Variants in RGS6 observed in about 807,000 individuals in gnomAD.
The protein encoded by RGS6 is regulator of G protein signaling 6.
RGS6 carries 30 observed loss-of-function variants against 78.5 expected under a neutral mutation model. The ratio of observed to expected loss-of-function variants is 0.38; its 90% CI spans 0.29 to 0.52. RGS6 has a LOEUF of 0.52. Among genes scored for constraint, RGS6 ranks in the 20% least tolerant of loss-of-function variants. The pLI is 0.85. For missense variants in RGS6, 495 were observed against 609.7 expected, an observed-to-expected ratio of 0.81 and a Z score of 1.98; for synonymous variants, 206 against 206.0, an observed-to-expected ratio of 1.00 and a Z score of 0.00.
At chr14:72,436,782 A>G (rs1485251625) in intron 3 of RGS6, among the ~76,000 whole-genome samples, 2 of 152,244 alleles carry the variant, frequency 1.3e-5, no homozygotes, top group Non-Finnish European at 2.9e-5. Context: ...CAATGTCTGT[A>G]AGGAAAACCA....
At chr14:72,118,650 A>T (rs1453943191) in intron 2 of RGS6, among the ~76,000 whole-genome samples, 1 of 152,244 alleles carries the variant, frequency 6.6e-6, no homozygotes, top group Non-Finnish European at 1.5e-5. Flanking sequence ...AGCCCTGGAC[A>T]GCACTATTCC....
intron 2 of RGS6, among the ~76,000 whole-genome samples, chr14:72,048,380 T>A (rs1174256618): frequency 1.3e-5 from 2 of 152,194 alleles, no homozygotes; most frequent in South Asian, 2.1e-4. Flanking sequence ...CAAAGGTGAA[T>A]CTATGCTAAC....
At chr14:72,474,947 A>T (rs1198700751) in intron 10 of RGS6, among the ~76,000 whole-genome samples, 1 of 147,256 alleles carries the variant, frequency 6.8e-6, no homozygotes, top group Admixed American at 6.8e-5. Context: ...CAACAGGGCC[A>T]TGAATGCTGT....
intron 2 of RGS6, among the ~76,000 whole-genome samples, chr14:72,255,614 G>C (rs1039888207): frequency 2.0e-5 from 3 of 152,106 alleles, no homozygotes; most frequent in Non-Finnish European, 2.9e-5. Flanking sequence ...CCTCAGGCAG[G>C]CTTAAAATGT....
At chr14:72,047,692 G>T (rs913741951) in intron 2 of RGS6, among the ~76,000 whole-genome samples, 1 of 151,988 alleles carries the variant, frequency 6.6e-6, no homozygotes, top group African/African-American at 2.4e-5. Flanking sequence ...TTTGACTTTT[G>T]CCTTCATATC....
At chr14:72,544,942 G>T (rs1265185400) in intron 17 of RGS6, among the ~76,000 whole-genome samples, 1 of 152,182 alleles carries the variant, frequency 6.6e-6, no homozygotes, top group Non-Finnish European at 1.5e-5. Context: ...GGCAATCAGG[G>T]CAGTCAGCCA....
At chr14:72,214,796 A>T in intron 2 of RGS6, among the ~76,000 whole-genome samples, 1 of 152,144 alleles carries the variant, frequency 6.6e-6, no homozygotes, top group East Asian at 1.9e-4. Context: ...CTGTCTCTTA[A>T]AAAAACATGG....
intron 2 of RGS6, among the ~76,000 whole-genome samples, chr14:72,204,283 C>CATTCTGTTAT (rs1211630176): frequency 6.6e-6 from 1 of 152,176 alleles, no homozygotes; most frequent in Non-Finnish European, 1.5e-5. Context: ...AACATACCAC[C>CATTCTGTTAT]ATTCTGTTAT....
At chr14:72,285,264 C>T (rs1954706772) in intron 2 of RGS6, among the ~76,000 whole-genome samples, 1 of 152,042 alleles carries the variant, frequency 6.6e-6, no homozygotes, top group African/African-American at 2.4e-5. Context: ...GGCTGTGTCC[C>T]CACCCAAATC....
intron 3 of RGS6, among the ~76,000 whole-genome samples, chr14:72,376,859 A>G (rs1265803772): frequency 1.3e-5 from 2 of 152,192 alleles, no homozygotes; most frequent in Non-Finnish European, 2.9e-5. Flanking sequence ...AAGCGAAAAG[A>G]CAATAACCAC....
intron 2 of RGS6, among the ~76,000 whole-genome samples, chr14:72,287,038 C>G (rs1372971588): frequency 6.6e-6 from 1 of 152,206 alleles, no homozygotes; most frequent in African/African-American, 2.4e-5. Flanking sequence ...CCCACCTTGG[C>G]CTCCCAAAGT....
At chr14:72,472,512 C>T (rs7143660) in intron 8 of RGS6, among the ~76,000 whole-genome samples, 1,739 of 152,310 alleles carry the variant, frequency 0.011, 14 homozygotes, top group African/African-American at 0.031. Flanking sequence ...TATGCAGTAT[C>T]CTTTTTGATA....
At chr14:71,948,921 A>G (rs563038459) in intron 1 of RGS6, among the ~76,000 whole-genome samples, 1 of 152,234 alleles carries the variant, frequency 6.6e-6, no homozygotes, top group South Asian at 2.1e-4. Context: ...ATATGAAATC[A>G]TACATATATG....
chr14:71,893,642 G>A, the RGS6 span, among the ~76,000 whole-genome samples: 1 of 152,194 alleles, frequency 6.6e-6, no homozygotes, highest in Admixed American at 6.5e-5. Flanking sequence ...CACAGAGTTT[G>A]TATTACACAG....
chr14:72,357,520 A>G (rs1315619638), intron 3 of RGS6, among the ~76,000 whole-genome samples: 1 of 152,200 alleles, frequency 6.6e-6, no homozygotes, highest in Non-Finnish European at 1.5e-5. Flanking sequence ...TCAGATGGAG[A>G]TGAGAAACTT....
At chr14:71,932,020 CGCCGGGCACCTCACCCCGG>C (rs1426586589), upstream of RGS6, among the ~76,000 whole-genome samples, 1 of 152,226 alleles carries the variant, frequency 6.6e-6, no homozygotes, top group African/African-American at 2.4e-5. Flanking sequence ...ATTCAGAAGC[CGCCGGGCACCTCACCCCGG>C]GCCGGGAATC....
chr14:72,550,798 A>AGCTT (rs780137302), intron 17 of RGS6: 37 of 585,340 alleles, frequency 6.3e-5, no homozygotes, highest in South Asian at 1.4e-4. Context: ...CTTTAATCAT[A>AGCTT]GCTTGCTTGC....
At chr14:72,491,430 A>C (rs1548688) in intron 12 of RGS6, among the ~76,000 whole-genome samples, 91,751 of 151,980 alleles carry the variant, frequency 0.6, 28,073 homozygotes, top group East Asian at 0.86. Flanking sequence ...TATTGTAGAC[A>C]TATGTTCATC....
rs575512208 is a variant in RGS6, at chr14:72,402,136, C to A, written c.184+49942C>A. Among the ~76,000 whole-genome samples the A allele has an allele frequency of 5.3e-5, 8 of 152,264 alleles. No individual in the cohort carries two copies. In the South Asian group the frequency reaches 1.0e-3, roughly 20 times the overall value. On this transcript the variant is annotated intron_variant, in intron 3 of 17. Coordinates refer to ENST00000553525, the MANE Select transcript of RGS6 (RefSeq NM_001204424.2). ...GCTCCACGACCTCCTGGTGCTGCCT[C>A]CCCTTGGCTGAACCCAGCCAGAAGG...
Sources: gnomAD v4.1 joint callset for allele counts (sites outside exome capture counted in the v4.1 genomes callset) on GRCh38, gnomAD v4.1.1 for gene constraint, MANE v1.5 for transcripts, NCBI Gene and HGNC (gene_info 2026-07-23, HGNC 2026-07-21) for gene names.